DCHS2: variants seen among roughly 807,000 people sequenced by gnomAD.
DCHS2 encodes the protein dachsous cadherin-related 2.
Under a neutral mutation model 182.4 loss-of-function variants are expected in DCHS2, and 142 were observed. The observed-to-expected ratio is 0.78, with a 90% CI of 0.68 to 0.89. The LOEUF (loss-of-function observed/expected upper bound fraction) is 0.89, where lower values mean the gene tolerates loss of function less well. DCHS2 is among the 40% of genes least tolerant of loss of function. The pLI is 0.00. For synonymous variants in DCHS2, 1,740 were observed against 1,663.3 expected, an observed-to-expected ratio of 1.05 and a Z score of -1.12; for missense variants, 4,319 against 4,198.6, an observed-to-expected ratio of 1.03 and a Z score of -0.79.
intron 1 of DCHS2, among the ~76,000 whole-genome samples, chr4:154,463,223 C>T (rs1735092161): frequency 6.6e-6 from 1 of 151,482 alleles, no homozygotes; most frequent in Non-Finnish European, 1.5e-5. Flanking sequence ...TTGTTCTACA[C>T]CAATGGCAGC....
At chr4:154,420,547 T>C (rs1248004059) in intron 1 of DCHS2, among the ~76,000 whole-genome samples, 1 of 151,948 alleles carries the variant, frequency 6.6e-6, no homozygotes, top group Non-Finnish European at 1.5e-5. Flanking sequence ...AGTCCCAGAG[T>C]CTAAAGACTG....
chr4:154,268,735 T>A (rs1733420238), intron 14 of DCHS2, among the ~76,000 whole-genome samples: 1 of 152,142 alleles, frequency 6.6e-6, no homozygotes, highest in African/African-American at 2.4e-5. Context: ...CTGGCAGATA[T>A]TTCACAATAA....
intron 1 of DCHS2, among the ~76,000 whole-genome samples, chr4:154,488,314 A>C (rs550932997): frequency 2.9e-4 from 44 of 152,274 alleles, no homozygotes; most frequent in Admixed American, 8.5e-4. Context: ...CAAATCAAAA[A>C]GCAGTGTACA....
At chr4:154,436,901 T>C (rs765329763) in intron 1 of DCHS2, among the ~76,000 whole-genome samples, 12 of 152,230 alleles carry the variant, frequency 7.9e-5, no homozygotes, top group Non-Finnish European at 1.5e-4. Flanking sequence ...TTCCATCGAT[T>C]ACATGTTGAA....
At chr4:154,425,412 T>C (rs898603604) in intron 1 of DCHS2, among the ~76,000 whole-genome samples, 7 of 152,210 alleles carry the variant, frequency 4.6e-5, no homozygotes, top group African/African-American at 1.7e-4. Context: ...TAATTTAATC[T>C]ACCGAGGTCA....
Position 154,489,499 on chromosome 4 carries a change from C to A in DCHS2, c.1857G>T (p.Arg619=), listed in dbSNP as rs760541474. ...DSESGAISTI[R]TLDREVQEAV... ...CCTCCTGGACCTCTCGGTCTAGAGTCCGGATAGTGCTGATCGCACCGCTTT... is the reference window on the plus strand; with the variant it reads ...CCTCCTGGACCTCTCGGTCTAGAGTACGGATAGTGCTGATCGCACCGCTTT... Residue 619 remains arginine (R), a synonymous_variant, in exon 1 of 20, where the codon CGG becomes CGT. Transcript: ENST00000357232. 1 of 1,551,650 alleles carries A rather than the reference C, an allele frequency of 6.4e-7. No homozygotes were observed. The highest frequency in any genetic ancestry group is 2.0e-5 in the Admixed American group (1 of 51,006).
chr4:154,429,313 C>A (rs1733465262), intron 1 of DCHS2, among the ~76,000 whole-genome samples: 7 of 152,108 alleles, frequency 4.6e-5, no homozygotes, highest in Admixed American at 4.6e-4. Context: ...GACACCTACT[C>A]CCCCTCTTTC....
At chr4:154,384,535 T>C in intron 1 of DCHS2, 1 of 1,545,444 alleles carries the variant, frequency 6.5e-7, no homozygotes, top group Non-Finnish European at 8.7e-7. Context: ...CCAGAACCTA[T>C]GACTATTCTC....
chr4:154,488,828 A>T (rs1378126434), intron 1 of DCHS2, among the ~76,000 whole-genome samples: 1 of 151,900 alleles, frequency 6.6e-6, no homozygotes, highest in Non-Finnish European at 1.5e-5. Flanking sequence ...GCCGAGATTG[A>T]GCCACTGCAC....
intron 3 of DCHS2, among the ~76,000 whole-genome samples, chr4:154,354,189 G>C (rs1053679393): frequency 2.6e-4 from 39 of 152,196 alleles, no homozygotes; most frequent in African/African-American, 9.2e-4. Context: ...GCCTCCCAAA[G>C]TGTTAGGATT....
At chr4:154,296,490 G>C (rs1253752255) in intron 13 of DCHS2, among the ~76,000 whole-genome samples, 1 of 152,098 alleles carries the variant, frequency 6.6e-6, no homozygotes, top group East Asian at 1.9e-4. Context: ...GACTCTTAAA[G>C]AACTTTTACC....
chr4:154,407,312 T>C (rs575860369), intron 1 of DCHS2, among the ~76,000 whole-genome samples: 64 of 152,318 alleles, frequency 4.2e-4, no homozygotes, highest in Admixed American at 8.5e-4. Context: ...CGATCTCTGT[T>C]AATTTGCTAT....
At chr4:154,287,627 T>C (rs1487088819) in intron 13 of DCHS2, among the ~76,000 whole-genome samples, 1 of 152,024 alleles carries the variant, frequency 6.6e-6, no homozygotes, top group Non-Finnish European at 1.5e-5. Flanking sequence ...ATTACAGGTA[T>C]GTGCACCATA....
chr4:154,323,393 C>A, intron 7 of DCHS2: 1 of 1,534,358 alleles, frequency 6.5e-7, no homozygotes, highest in South Asian at 1.2e-5. Context: ...GCAATTGTGC[C>A]ATGATAGCTC....
intron 1 of DCHS2, among the ~76,000 whole-genome samples, chr4:154,395,716 T>C (rs1731903596): frequency 6.6e-6 from 1 of 152,224 alleles, no homozygotes; most frequent in Non-Finnish European, 1.5e-5. Context: ...AAAGTAGCTA[T>C]AAGACTATTA....
chr4:154,435,513 G>A (rs1464025213), intron 1 of DCHS2, among the ~76,000 whole-genome samples: 3 of 151,682 alleles, frequency 2.0e-5, no homozygotes, highest in Non-Finnish European at 4.4e-5. Flanking sequence ...GGAGAATGGT[G>A]TGAACCCGGG....
chr4:154,334,907 C>G lies in DCHS2; in HGVS notation c.2674G>C (p.Asp892His), dbSNP rs1482181628. 2 of 1,614,212 alleles carry G rather than the reference C, an allele frequency of 1.2e-6. No homozygotes were observed. Among genetic ancestry groups the G allele is most frequent in the Non-Finnish European group, 1.7e-6 (2 of 1,180,028 alleles). Residue 892 changes from aspartate to histidine, a missense_variant, in exon 4 of 20, where the codon GAT (aspartate) becomes CAT (histidine). Asp to His is a moderately conservative substitution (Grantham distance 81, BLOSUM62 -1). Transcript: ENST00000357232. ...GCTTTCACTGTTCCAATGGGACTAT[C>G]TTCAGGCACATCTTCATAAACTAAG... Reference protein sequence around the residue: ...TFLVYEDVPEDSPIGTVKARE... With the variant: ...TFLVYEDVPEHSPIGTVKARE...
Position 154,491,754 on chromosome 4 carries a change from A to G in DCHS2, c.-399T>C. 1 of 1,007,384 alleles carries G rather than the reference A, an allele frequency of 9.9e-7. No homozygotes were observed. Among genetic ancestry groups the G allele is most frequent in the Non-Finnish European group, 1.2e-6 (1 of 845,280 alleles). 62.4% of individuals were successfully genotyped at this position (1,007,384 alleles called of 1,614,324 possible). ...AAGGAGGAGATTATATGAAGCGCGC[A>G]CACACAAGGAGAGGATGGGGATCTG... On this transcript the variant is annotated 5_prime_UTR_variant, in exon 1 of 20. Transcript: ENST00000357232.
At chr4:154,313,672 C>T (rs1008714340) in intron 10 of DCHS2, among the ~76,000 whole-genome samples, 1 of 152,006 alleles carries the variant, frequency 6.6e-6, no homozygotes, top group Non-Finnish European at 1.5e-5. Context: ...TTCGAAAGTA[C>T]GTGCATACAC....
Sources: allele counts gnomAD v4.1 joint callset (sites outside exome capture counted in the v4.1 genomes callset), GRCh38; gene constraint gnomAD v4.1.1; transcripts MANE v1.5; gene names NCBI Gene and HGNC (gene_info 2026-07-23, HGNC 2026-07-21).